ASIC2: variants seen among roughly 807,000 people sequenced by gnomAD.
The protein encoded by ASIC2 is acid-sensing ion channel 2.
ASIC2 carries 25 observed loss-of-function variants against 57.3 expected under a neutral mutation model. The observed-to-expected ratio is 0.44, with a 90% confidence interval of 0.32 to 0.61. The LOEUF (loss-of-function observed/expected upper bound fraction) is 0.61, where lower values mean the gene tolerates loss of function less well. Ranked by LOEUF, ASIC2 falls within the 20% of genes least tolerant of loss-of-function variation. The probability of loss-of-function intolerance (pLI) is 0.06; values close to 1 mark genes in which losing one functional copy is unlikely to be tolerated. For missense variants in ASIC2, 641 were observed against 738.1 expected, an observed-to-expected ratio of 0.87 and a Z score of 1.52; for synonymous variants, 319 against 307.5, an observed-to-expected ratio of 1.04 and a Z score of -0.39.
intron 8 of ASIC2, among the ~76,000 whole-genome samples, chr17:33,017,255 C>T (rs1330182451): frequency 1.3e-5 from 2 of 152,174 alleles, no homozygotes; most frequent in Admixed American, 6.5e-5. Context: ...TGGATGAAGC[C>T]ACCACCTCCA....
chr17:33,995,313 C>G (rs1428877024), intron 1 of ASIC2, among the ~76,000 whole-genome samples: 1 of 152,106 alleles, frequency 6.6e-6, no homozygotes, highest in Admixed American at 6.5e-5. Flanking sequence ...AACACAAAGT[C>G]CAATCCTGAC....
chr17:33,840,636 G>A (rs1913407279), intron 1 of ASIC2, among the ~76,000 whole-genome samples: 1 of 152,286 alleles, frequency 6.6e-6, no homozygotes, highest in South Asian at 2.1e-4. Context: ...AATTGAGAAG[G>A]GGAGTTGACA....
At chr17:33,817,997 C>T (rs556751452) in intron 1 of ASIC2, among the ~76,000 whole-genome samples, 158 of 152,248 alleles carry the variant, frequency 1.0e-3, no homozygotes, top group African/African-American at 3.5e-3. Context: ...TCAAAGCTCC[C>T]AAGGTATGTG....
intron 1 of ASIC2, among the ~76,000 whole-genome samples, chr17:33,548,688 T>G (rs1915654759): frequency 6.6e-6 from 1 of 152,138 alleles, no homozygotes; most frequent in Admixed American, 6.5e-5. Flanking sequence ...TACTATCTGG[T>G]CAGTTATGGT....
At chr17:33,923,337 C>T in intron 1 of ASIC2, among the ~76,000 whole-genome samples, 1 of 152,192 alleles carries the variant, frequency 6.6e-6, no homozygotes, top group Admixed American at 6.5e-5. Context: ...TTCTGTCCAT[C>T]TACCCAACCA....
chr17:33,626,264 C>T lies in ASIC2; in HGVS notation c.556-514197G>A, dbSNP rs143757474. Among the ~76,000 whole-genome samples the T allele has an allele frequency of 5.5e-3, 841 of 152,240 alleles. 4 individuals carry two copies. Among genetic ancestry groups the T allele is most frequent in the African/African-American group, 0.019 (789 of 41,538 alleles). Reference sequence around the variant, plus strand: ...AAGTATGGAAAAAAAAGGACTAGAACGTCGTGCAAAGATGTGAGTCCTTTT... The same window carrying T: ...AAGTATGGAAAAAAAAGGACTAGAATGTCGTGCAAAGATGTGAGTCCTTTT... On this transcript the variant is annotated intron_variant, in intron 1 of 9. Transcript: ENST00000359872.
At chr17:33,579,287 A>C (rs903326309) in intron 1 of ASIC2, among the ~76,000 whole-genome samples, 1 of 36,308 alleles carries the variant, frequency 2.8e-5, no homozygotes, top group Non-Finnish European at 4.5e-5. Context: ...ACTGTGTCTC[A>C]AAAAAAAAAA....
At chr17:33,444,892 T>C (rs988607221) in intron 1 of ASIC2, among the ~76,000 whole-genome samples, 4 of 152,184 alleles carry the variant, frequency 2.6e-5, no homozygotes, top group Admixed American at 1.3e-4. Context: ...ATCCAGCTCA[T>C]CACTTGCTTT....
chr17:33,524,297 G>A (rs1234889087), intron 1 of ASIC2, among the ~76,000 whole-genome samples: 1 of 152,128 alleles, frequency 6.6e-6, no homozygotes, highest in Admixed American at 6.6e-5. Context: ...CCAGTACATC[G>A]TCAGGGTAAG....
chr17:33,197,259 G>T (rs1009332212), intron 1 of ASIC2, among the ~76,000 whole-genome samples: 2 of 152,186 alleles, frequency 1.3e-5, no homozygotes, highest in Non-Finnish European at 2.9e-5. Context: ...GATAGCTTAG[G>T]GGGTTTAGCA....
chr17:33,552,173 G>A (rs181543858), intron 1 of ASIC2, among the ~76,000 whole-genome samples: 1 of 152,322 alleles, frequency 6.6e-6, no homozygotes, highest in East Asian at 1.9e-4. Context: ...AAGGGAAAGG[G>A]CCTCTGTTGA....
intron 1 of ASIC2, chr17:34,038,696 T>C: frequency 6.3e-7 from 1 of 1,599,546 alleles, no homozygotes; most frequent in Non-Finnish European, 8.6e-7. Flanking sequence ...CTTTTTAAGA[T>C]GACCTAATCT....
chr17:33,626,097 G>C (rs1333867265), intron 1 of ASIC2, among the ~76,000 whole-genome samples: 1 of 152,160 alleles, frequency 6.6e-6, no homozygotes, highest in Non-Finnish European at 1.5e-5. Flanking sequence ...ATCTCTTTTG[G>C]CTTCTGTTTT....
Position 34,156,380 on chromosome 17 carries a change from G to A in ASIC2, c.153C>T (p.Gly51=), listed in dbSNP as rs1391455208. The A allele has an allele frequency of 1.2e-6, 2 of 1,614,204 alleles. No homozygotes were observed. Among genetic ancestry groups the A allele is most frequent in the Non-Finnish European group, 1.7e-6 (2 of 1,180,042 alleles). ...TCTCCACCAGCAGCAGGCCCAGAGA[G>A]CCCACGAAGGCCACTGCCCACAGCA... The change falls in exon 1 of 10, where the codon GGC becomes GGT. Residue 51 remains glycine, a synonymous_variant. Transcript: ENST00000359872. The surrounding 1 kb of genome is among the most constrained non-coding windows in gnomAD (Gnocchi z 4.4).
intron 1 of ASIC2, among the ~76,000 whole-genome samples, chr17:33,579,397 T>C (rs1028182660): frequency 6.6e-6 from 1 of 151,894 alleles, no homozygotes; most frequent in Non-Finnish European, 1.5e-5. Context: ...GCCTCATTAT[T>C]CTGGAGGGGA....
rs374845610 is a variant in ASIC2 at position 34,151,112 on chromosome 17, A to AT, written c.555+4865_555+4866insA. 7.5e-3 allele frequency among the ~76,000 whole-genome samples: 1,033 copies of AT among 137,552 alleles called. 13 individuals carry two copies. Among genetic ancestry groups the AT allele is most frequent in the African/African-American group, 0.028 (985 of 35,138 alleles). 90.2% of individuals were successfully genotyped at this position (137,552 alleles called of 152,430 possible). A position where few individuals can be genotyped will look rare whatever the true frequency, so the allele number is the denominator to read the frequency against. On this transcript the variant is annotated intron_variant, in intron 1 of 9. Coordinates refer to the ASIC2 transcript ENST00000359872. ...AGTGAGACTCCATCTCAAGAAAAAA[A>AT]AAAAAAAAAAAAATAAAGAGGTAGA... is the stretch of plus-strand genomic sequence containing the variant.
chr17:33,451,166 C>T (rs980918637), intron 1 of ASIC2, among the ~76,000 whole-genome samples: 4 of 151,838 alleles, frequency 2.6e-5, no homozygotes, highest in Admixed American at 6.6e-5. Flanking sequence ...ATGGGATTCT[C>T]CTGCTTCAGC....
chr17:34,100,083 T>C (rs1257111488), intron 1 of ASIC2, among the ~76,000 whole-genome samples: 1 of 152,084 alleles, frequency 6.6e-6, no homozygotes. Context: ...GCAAACACAT[T>C]GTCCCTGCAG....
intron 1 of ASIC2, among the ~76,000 whole-genome samples, chr17:33,237,352 GTT>G (rs61364467): frequency 2.8e-5 from 4 of 143,356 alleles, no homozygotes; most frequent in South Asian, 2.2e-4. Context: ...CCACTTAGTA[GTT>G]TTTTTTTTTT....
Sources: allele counts gnomAD v4.1 joint callset (sites outside exome capture counted in the v4.1 genomes callset), GRCh38; gene constraint gnomAD v4.1.1; non-coding constraint Gnocchi (gnomAD v3.1); transcripts MANE v1.5; gene names NCBI Gene and HGNC (gene_info 2026-07-23, HGNC 2026-07-21).